Variants in PSMA5 observed in about 807,000 individuals in gnomAD.
The protein encoded by PSMA5 is proteasome subunit alpha type-5.
PSMA5 carries 3 observed loss-of-function variants against 34.5 expected under a neutral mutation model. The ratio of observed to expected loss-of-function variants is 0.09; its 90% confidence interval spans 0.04 to 0.22. The LOEUF (loss-of-function observed/expected upper bound fraction) is 0.22, where lower values mean the gene tolerates loss of function less well. Among genes scored for constraint, PSMA5 ranks in the 10% least tolerant of loss-of-function variants. PSMA5 has a pLI of 1.00. For synonymous variants in PSMA5, 88 were observed against 95.8 expected, an observed-to-expected ratio of 0.92 and a Z score of 0.47; for missense variants, 120 against 286.1, an observed-to-expected ratio of 0.42 and a Z score of 4.19.
chr1:109,415,224 C>T lies in PSMA5; in HGVS notation c.223+13G>A. On this transcript the variant is annotated intron_variant, in intron 3 of 8. Transcript: ENST00000271308. The stretch of plus-strand genomic sequence containing the variant: ...GACCAGATCCTACAGAACAGCTTTC[C>T]TCCACTCCTTACCTATGTGAGCATC... 3.1e-6 allele frequency: 5 copies of T among 1,610,076 alleles called. No individual in the cohort carries two copies. Among genetic ancestry groups the T allele is most frequent in the Non-Finnish European group, 4.2e-6 (5 of 1,177,480 alleles).
chr1:109,411,728 A>G, intron 6 of PSMA5, 149 bp downstream of exon 6: 1 of 743,260 alleles, frequency 1.3e-6, no homozygotes, highest in Non-Finnish European at 2.2e-6. Context: ...CAGGCTCAAG[A>G]GATCCTCCTG....
chr1:109,412,165 T>C lies in PSMA5; in HGVS notation c.311A>G (p.Asn104Ser), dbSNP rs137988825. Residue 104 changes from asparagine to serine, a missense_variant, in exon 5 of 9, where the codon AAT (asparagine) becomes AGT (serine). Transcript: ENST00000271308. ...CACACTCTCCACTGTCATTGTCTCA[T>C]TGTAGGTGAACCAGTGGTTCTAGAA... ...VETQNHWFTY[N>S]ETMTVESVTQ... The C allele has an allele frequency of 1.5e-5, 25 of 1,613,900 alleles. No individual in the cohort carries two copies. The highest frequency in any genetic ancestry group is 2.1e-5 in the Non-Finnish European group (25 of 1,179,890).
intron 8 of PSMA5, among the ~76,000 whole-genome samples, chr1:109,406,821 G>A (rs141565392): frequency 1.3e-5 from 2 of 152,224 alleles, no homozygotes; most frequent in Admixed American, 1.3e-4. Flanking sequence ...ACAGATACTG[G>A]GGGTTGTACA....
intron 1 of PSMA5, among the ~76,000 whole-genome samples, chr1:109,422,920 C>G (rs1384035530): frequency 6.6e-6 from 1 of 152,256 alleles, no homozygotes; most frequent in Non-Finnish European, 1.5e-5. Flanking sequence ...ACTTACATGT[C>G]AGACTGCTTT....
intron 7 of PSMA5, 27 bp from the exon 8 acceptor site, chr1:109,410,041 C>G (rs763641674): frequency 7.7e-6 from 11 of 1,424,344 alleles, no homozygotes; most frequent in Non-Finnish European, 1.1e-5. Flanking sequence ...CAAGAAGATG[C>G]CTATTAATTA....
Position 109,401,940 on chromosome 1 carries a change from G to A in PSMA5, c.*73C>T. 8.4e-7 allele frequency: 1 copy of A among 1,187,158 alleles called. No homozygotes were observed. 73.5% of individuals were successfully genotyped at this position (1,187,158 alleles called of 1,614,324 possible). A position where few individuals can be genotyped will look rare whatever the true frequency, so the allele number is the denominator to read the frequency against. On this transcript the variant is annotated 3_prime_UTR_variant, in exon 9 of 9. Transcript: ENST00000271308. ...ACAATGGAGATTTTCCAAGGAACAG[G>A]AGCTGGAAATAAAATTTAAGGACAT...
At position 109,413,064 on chromosome 1, in the gene PSMA5, T is replaced by G; in HGVS notation, c.291+4A>C. ...TGGTAAAAAGGAGATAATGCCAATT[T>G]TACCTGTGTCTCCACTCTGGCTTTA... is the stretch of plus-strand genomic sequence containing the variant. On this transcript the variant is annotated splice_donor_region_variant and intron_variant, in intron 4 of 8. Coordinates refer to ENST00000271308, the MANE Select transcript of PSMA5 (RefSeq NM_002790.4). 6.2e-7 allele frequency: 1 copy of G among 1,613,232 alleles called. No homozygotes were observed. The highest frequency in any genetic ancestry group is 8.5e-7 in the Non-Finnish European group (1 of 1,179,302).
At chr1:109,412,384 T>C (rs1307189435) in intron 4 of PSMA5, 200 bp from the exon 5 acceptor site, 6 of 533,404 alleles carry the variant, frequency 1.1e-5, no homozygotes, top group Non-Finnish European at 2.0e-5. Flanking sequence ...TCACAAGGAC[T>C]CTACGCAACG....
Position 109,403,704 on chromosome 1 carries a change from A to G in PSMA5, c.649-1614T>C, listed in dbSNP as rs530590825. On this transcript the variant is annotated intron_variant, in intron 8 of 8. Transcript: ENST00000271308. ...CATTTTAAAGTAATTTTCAGTACTA[A>G]TATTTAATGTAACTTGAAAGTTGCT... Among the ~76,000 whole-genome samples the G allele has an allele frequency of 2.6e-5, 4 of 152,174 alleles. No homozygotes were observed. The South Asian group carries it at 6.2e-4, about 24-fold the overall frequency.
chr1:109,408,104 G>A (rs924785487), intron 8 of PSMA5, among the ~76,000 whole-genome samples: 23 of 152,054 alleles, frequency 1.5e-4, no homozygotes, highest in African/African-American at 5.3e-4. Context: ...CAGGTTTACC[G>A]CCAAACCCAC....
Position 109,421,852 on chromosome 1 carries a change from T to C in PSMA5, c.96+8A>G, listed in dbSNP as rs1357008129. ...AAATTTCAGGACCTATGCTACTTGC[T>C]ACTATACCTTGATAGCCTCAATGGC... On this transcript the variant is annotated splice_region_variant and intron_variant, in intron 2 of 8. Coordinates refer to ENST00000271308, the MANE Select transcript of PSMA5 (RefSeq NM_002790.4). 4 of 1,555,974 alleles carry C rather than the reference T, an allele frequency of 2.6e-6. No homozygotes were observed.
At chr1:109,416,416 C>T (rs1407796935) in intron 2 of PSMA5, among the ~76,000 whole-genome samples, 2 of 152,226 alleles carry the variant, frequency 1.3e-5, no homozygotes, top group African/African-American at 4.8e-5. Flanking sequence ...GCCACGTTAT[C>T]TCCTACCCTT....
rs572318096 is a variant in PSMA5, at chr1:109,403,083, G to A, written c.649-993C>T. Among the ~76,000 whole-genome samples the A allele has an allele frequency of 1.4e-4, 22 of 152,284 alleles. No individual in the cohort carries two copies. In the Middle Eastern group the frequency reaches 0.017, roughly 118 times the overall value. On this transcript the variant is annotated intron_variant, in intron 8 of 8. Transcript: ENST00000271308. The stretch of plus-strand genomic sequence containing the variant: ...TAGGAAACCAGTTGTGACTGCTGAA[G>A]ATATCAGTAATAACTGGAAATCCAG...
chr1:109,409,151 T>C (rs2100958880), intron 8 of PSMA5, among the ~76,000 whole-genome samples: 1 of 152,282 alleles, frequency 6.6e-6, no homozygotes, highest in South Asian at 2.1e-4. Context: ...ATCATCTCCC[T>C]TTCATTCTTT....
At chr1:109,420,552 A>C (rs1011417492) in intron 2 of PSMA5, among the ~76,000 whole-genome samples, 1 of 152,232 alleles carries the variant, frequency 6.6e-6, no homozygotes, top group African/African-American at 2.4e-5. Context: ...CTCTGAAACT[A>C]CATGCATGTA....
intron 8 of PSMA5, among the ~76,000 whole-genome samples, chr1:109,405,447 GTTTTTT>G (rs11390638): frequency 8.5e-6 from 1 of 118,286 alleles, no homozygotes; most frequent in Non-Finnish European, 1.6e-5. Context: ...GTCAGAAAAG[GTTTTTT>G]TTTTTTTTTT....
At chr1:109,409,806 C>G in intron 8 of PSMA5, 122 bp downstream of exon 8, 1 of 651,728 alleles carries the variant, frequency 1.5e-6, no homozygotes, top group Non-Finnish European at 2.7e-6. Context: ...CCCAGCTACT[C>G]GAGAGGCTGG....
chr1:109,415,493 G>C (rs977136456), intron 2 of PSMA5, 130 bp from the exon 3 acceptor site: 1 of 865,404 alleles, frequency 1.2e-6, no homozygotes, highest in African/African-American at 1.7e-5. Context: ...CAGAGAGAAG[G>C]AGCACCCTAA....
chr1:109,424,912 A>T (rs571840279), intron 1 of PSMA5, among the ~76,000 whole-genome samples: 2 of 152,242 alleles, frequency 1.3e-5, no homozygotes, highest in South Asian at 4.1e-4. Context: ...GCTTGAACCC[A>T]GGAGGCGGAG....
Sources: allele counts gnomAD v4.1 joint callset (sites outside exome capture counted in the v4.1 genomes callset), GRCh38; gene constraint gnomAD v4.1.1; transcripts MANE v1.5; gene names NCBI Gene and HGNC (gene_info 2026-07-23, HGNC 2026-07-21).